BRD10: variants seen among roughly 807,000 people sequenced by gnomAD.
The protein encoded by BRD10 is bromodomain containing 10.
At chr9:6,004,056 G>C in the BRD10 span, among the ~76,000 whole-genome samples, 1 of 152,164 alleles carries the variant, frequency 6.6e-6, no homozygotes, top group Admixed American at 6.5e-5. Flanking sequence ...GAATGCCCCA[G>C]TTAAACCTTC....
the BRD10 span, among the ~76,000 whole-genome samples, chr9:6,003,362 C>G: frequency 2.6e-5 from 4 of 152,092 alleles, no homozygotes; most frequent in Non-Finnish European, 5.9e-5. Flanking sequence ...AAAATTCATA[C>G]TAATATTTGA....
the BRD10 span, among the ~76,000 whole-genome samples, chr9:5,984,945 G>C: frequency 6.6e-6 from 1 of 151,588 alleles, no homozygotes; most frequent in Non-Finnish European, 1.5e-5. Flanking sequence ...GAAGGTCCTA[G>C]TATAGACAAA....
At chr9:5,898,996 T>C in the BRD10 span, 1 of 152,172 alleles carries the variant, frequency 6.6e-6, no homozygotes, top group African/African-American at 2.4e-5. Flanking sequence ...GGTACCAGTA[T>C]CCTCCATGAA....
the BRD10 span, among the ~76,000 whole-genome samples, chr9:5,923,982 A>G: frequency 1.3e-5 from 2 of 152,216 alleles, no homozygotes; most frequent in South Asian, 4.1e-4. Context: ...AATTACAGGT[A>G]ATCTAATCCA....
the BRD10 span, among the ~76,000 whole-genome samples, chr9:5,926,443 G>A: frequency 1.3e-5 from 2 of 152,156 alleles, no homozygotes; most frequent in Non-Finnish European, 1.5e-5. Context: ...GAGTAGCTGG[G>A]ACCACAGGCA....
chr9:5,926,438 G>A, the BRD10 span, among the ~76,000 whole-genome samples: 1 of 152,178 alleles, frequency 6.6e-6, no homozygotes, highest in Non-Finnish European at 1.5e-5. Context: ...CTCCTGAGTA[G>A]CTGGGACCAC....
the BRD10 span, chr9:5,906,856 C>T: frequency 1.4e-6 from 2 of 1,392,200 alleles, no homozygotes; most frequent in Non-Finnish European, 2.0e-6. Context: ...TTCTTCTCAC[C>T]CACTCACCTT....
the BRD10 span, chr9:5,923,004 T>C: frequency 6.2e-7 from 1 of 1,613,938 alleles, no homozygotes; most frequent in Non-Finnish European, 8.5e-7. Flanking sequence ...TTCTGGAGAG[T>C]AGACACTGGT....
At chr9:5,899,269 G>A in the BRD10 span, 1 of 152,220 alleles carries the variant, frequency 6.6e-6, no homozygotes, top group Admixed American at 6.5e-5. Flanking sequence ...TGAAAGAGAG[G>A]AGGGTTGGTG....
the BRD10 span, among the ~76,000 whole-genome samples, chr9:5,945,262 T>G: frequency 6.6e-6 from 1 of 152,074 alleles, no homozygotes; most frequent in African/African-American, 2.4e-5. Context: ...CAGCCCAGAA[T>G]GACAAAGATC....
the BRD10 span, among the ~76,000 whole-genome samples, chr9:5,970,675 T>A: frequency 6.6e-6 from 1 of 152,106 alleles, no homozygotes; most frequent in African/African-American, 2.4e-5. Context: ...TTTTTGTAAA[T>A]TATGTACTTA....
the BRD10 span, among the ~76,000 whole-genome samples, chr9:5,935,694 G>A: frequency 6.6e-6 from 1 of 152,188 alleles, no homozygotes; most frequent in African/African-American, 2.4e-5. Flanking sequence ...TTTGGCATAA[G>A]AGGGGCATAA....
chr9:5,973,908 A>G, the BRD10 span, among the ~76,000 whole-genome samples: 10 of 152,174 alleles, frequency 6.6e-5, no homozygotes, highest in Non-Finnish European at 1.5e-4. Context: ...AACAAAAGCA[A>G]GAGACAAAAA....
chr9:5,938,538 T>C, the BRD10 span, among the ~76,000 whole-genome samples: 33 of 152,330 alleles, frequency 2.2e-4, no homozygotes, highest in African/African-American at 7.0e-4. Context: ...TCCTTGACTA[T>C]AGGAACTTAG....
At chr9:5,895,313 T>A in the BRD10 span, among the ~76,000 whole-genome samples, 9 of 151,814 alleles carry the variant, frequency 5.9e-5, no homozygotes, top group Non-Finnish European at 1.5e-5. Flanking sequence ...ATTCCTCTCA[T>A]GAAAAGTCCC....
At chr9:6,007,710 C>T in the BRD10 span, 10 of 1,606,096 alleles carry the variant, frequency 6.2e-6, no homozygotes, top group Non-Finnish European at 6.8e-6. Context: ...CCTCGTCGTC[C>T]TCTCCTTCGG....
the BRD10 span, among the ~76,000 whole-genome samples, chr9:5,954,694 T>C: frequency 6.6e-6 from 1 of 152,136 alleles, no homozygotes; most frequent in Non-Finnish European, 1.5e-5. Context: ...CAGAAACCAC[T>C]GGAAAAAAAT....
chr9:5,886,066 C>A, the BRD10 span, among the ~76,000 whole-genome samples: 1 of 152,212 alleles, frequency 6.6e-6, no homozygotes, highest in African/African-American at 2.4e-5. Context: ...AAAGCGGAAG[C>A]CCGAGCAGCC....
the BRD10 span, chr9:5,920,195 G>C: frequency 1.2e-6 from 2 of 1,614,004 alleles, no homozygotes; most frequent in Non-Finnish European, 1.7e-6. Context: ...ATCTATTGGT[G>C]TAGATTGAAT....
Sources: allele counts gnomAD v4.1 joint callset (sites outside exome capture counted in the v4.1 genomes callset), GRCh38; gene constraint gnomAD v4.1.1; transcripts MANE v1.5; gene names NCBI Gene and HGNC (gene_info 2026-07-23, HGNC 2026-07-21).